PCDHGB1: variants seen among roughly 807,000 people sequenced by gnomAD.
The protein encoded by PCDHGB1 is protocadherin gamma subfamily B, 1, also known as protocadherin gamma-B1.
In PCDHGB1, 34 loss-of-function variants were observed where a neutral mutation model predicts 56.6. The observed-to-expected ratio is 0.60, with a 90% CI of 0.46 to 0.80. The LOEUF (loss-of-function observed/expected upper bound fraction) is 0.80. Ranked by LOEUF, PCDHGB1 falls within the 30% of genes least tolerant of loss-of-function variation. The pLI is 0.00. For synonymous variants in PCDHGB1, 561 were observed against 505.9 expected (o/e 1.11, Z -1.46); for missense variants, 1,278 against 1,204.6 (o/e 1.06, Z -0.90).
intron 1 of PCDHGB1, chr5:141,427,797 G>A (rs1194658203): frequency 6.0e-6 from 9 of 1,505,188 alleles, no homozygotes; most frequent in Admixed American, 3.4e-5. Context: ...CTACGTGTCC[G>A]TGAGCGCACA....
In PCDHGB1 at chr5:141,489,163, C is replaced by T. The variant is rs2099683398; in HGVS notation, c.2410-5644C>T. 1 of 1,060,592 alleles carries T rather than the reference C, an allele frequency of 9.4e-7. No individual in the cohort carries two copies. Among genetic ancestry groups the T allele is most frequent in the Admixed American group, 2.4e-5 (1 of 41,724 alleles). The allele number at this position is 1,060,592 out of a possible 1,614,324, so 65.7% of individuals were successfully genotyped here. On this transcript the variant is annotated intron_variant, in intron 1 of 3. Coordinates refer to ENST00000523390, the MANE Select transcript of PCDHGB1 (RefSeq NM_018922.3). This position sits in a 1 kb window ranked among gnomAD's most constrained non-coding sequence, Gnocchi z 4.5. ...TGGAAGGAGACATAAGAGACTTCAGCTGCTGCATTCCAAGCCCTGGGTCTA... is the reference window on the plus strand; with the variant it reads ...TGGAAGGAGACATAAGAGACTTCAGTTGCTGCATTCCAAGCCCTGGGTCTA...
At chr5:141,404,232 G>GTCCAC (rs2094500642) in intron 1 of PCDHGB1, 1 of 1,613,696 alleles carries the variant, frequency 6.2e-7, no homozygotes, top group African/African-American at 1.3e-5. Flanking sequence ...GCAACAGACA[G>GTCCAC]AGGAACTCCG....
chr5:141,353,683 A>G (rs1230591796), intron 1 of PCDHGB1, among the ~76,000 whole-genome samples: 1 of 152,236 alleles, frequency 6.6e-6, no homozygotes, highest in African/African-American at 2.4e-5. Flanking sequence ...TTGGGTTTAT[A>G]AAGCGTTTTC....
intron 2 of PCDHGB1, among the ~76,000 whole-genome samples, chr5:141,500,194 T>G (rs994324188): frequency 2.1e-4 from 31 of 147,918 alleles, no homozygotes; most frequent in African/African-American, 7.7e-4. Context: ...TTTTATTTAT[T>G]TATTTATTTA....
intron 1 of PCDHGB1, chr5:141,356,627 C>T (rs1399463036): frequency 6.2e-7 from 1 of 1,614,182 alleles, no homozygotes; most frequent in Non-Finnish European, 8.5e-7. Context: ...TCTATGACTG[C>T]TCAAGACCCT....
At chr5:141,389,918 C>T (rs1341057088) in intron 1 of PCDHGB1, 1 of 1,614,086 alleles carries the variant, frequency 6.2e-7, no homozygotes, top group Non-Finnish European at 8.5e-7. Context: ...ACCGCCCCGA[C>T]CCCTCTGACC....
At chr5:141,361,698 T>C (rs779293216) in intron 1 of PCDHGB1, 43 of 1,613,234 alleles carry the variant, frequency 2.7e-5, no homozygotes, top group Admixed American at 5.0e-5. Flanking sequence ...GCGCCTTCGA[T>C]CATGAGCAGC....
At chr5:141,428,313 C>T in intron 1 of PCDHGB1, 1 of 671,482 alleles carries the variant, frequency 1.5e-6, no homozygotes, top group Non-Finnish European at 2.6e-6. Context: ...TGGTCGTGGC[C>T]TTGGCCTTGA....
intron 1 of PCDHGB1, among the ~76,000 whole-genome samples, chr5:141,481,148 C>G (rs2099532606): frequency 6.6e-6 from 1 of 152,176 alleles, no homozygotes; most frequent in Non-Finnish European, 1.5e-5. Context: ...AAGTGTTATT[C>G]TGGTATTTGC....
chr5:141,377,469 A>C (rs6896353), intron 1 of PCDHGB1: 1 of 151,896 alleles, frequency 6.6e-6, no homozygotes, highest in Non-Finnish European at 1.5e-5. Context: ...TGTGGCGTAC[A>C]CCTGTAGTCC....
chr5:141,376,399 GC>G, intron 1 of PCDHGB1: 4 of 1,614,182 alleles, frequency 2.5e-6, no homozygotes, highest in Non-Finnish European at 3.4e-6. Context: ...TTTTCCCCCA[GC>G]CCAACTATGC....
At chr5:141,372,346 A>G (rs781226207) in intron 1 of PCDHGB1, 1 of 1,613,714 alleles carries the variant, frequency 6.2e-7, no homozygotes, top group African/African-American at 1.3e-5. Flanking sequence ...GATGGAGGAC[A>G]GCAGCCTCTT....
intron 1 of PCDHGB1, chr5:141,413,858 G>T: frequency 6.2e-7 from 1 of 1,613,258 alleles, no homozygotes; most frequent in Non-Finnish European, 8.5e-7. Context: ...CTCCGATCTG[G>T]CACTGTCCTT....
intron 1 of PCDHGB1, among the ~76,000 whole-genome samples, chr5:141,425,386 G>C (rs2096871887): frequency 6.6e-6 from 1 of 152,224 alleles, no homozygotes; most frequent in South Asian, 2.1e-4. Context: ...TTCGGAGGTA[G>C]TGATAAAGTT....
chr5:141,384,443 A>G, intron 1 of PCDHGB1: 1 of 1,614,030 alleles, frequency 6.2e-7, no homozygotes, highest in Non-Finnish European at 8.5e-7. Flanking sequence ...GGAGTCCTGT[A>G]CGCGCTGCAA....
Position 141,489,075 on chromosome 5 carries a change from C to A in PCDHGB1, c.2410-5732C>A. The A allele has an allele frequency of 3.1e-6, 1 of 324,814 alleles. No individual in the cohort carries two copies. The highest frequency in any genetic ancestry group is 5.5e-6 in the Non-Finnish European group (1 of 180,380). The allele number at this position is 324,814 out of a possible 1,614,324, so 20.1% of individuals were successfully genotyped here. A position where few individuals can be genotyped will look rare whatever the true frequency, so the allele number is the denominator to read the frequency against. ...TCAGCTCCCCTCCCCCCTGCCCACCCCCGCCACTCGGTGACTAAGAACTGC... is the reference window on the plus strand; with the variant it reads ...TCAGCTCCCCTCCCCCCTGCCCACCACCGCCACTCGGTGACTAAGAACTGC... On this transcript the variant is annotated intron_variant, in intron 1 of 3. Coordinates refer to ENST00000523390, the MANE Select transcript of PCDHGB1 (RefSeq NM_018922.3). The surrounding 1 kb of genome is among the most constrained non-coding windows in gnomAD (Gnocchi z 4.5).
Position 141,370,983 on chromosome 5 carries a change from A to G in PCDHGB1, c.2409+18314A>G, listed in dbSNP as rs200655179. Reference sequence around the variant, plus strand: ...CAGTAGGTACCCAGAGCTAGTACTGAAAGCACCCCTGGACAGGGAAGAGCA... The same window carrying G: ...CAGTAGGTACCCAGAGCTAGTACTGGAAGCACCCCTGGACAGGGAAGAGCA... On this transcript the variant is annotated intron_variant, in intron 1 of 3. Coordinates refer to ENST00000523390, the MANE Select transcript of PCDHGB1 (RefSeq NM_018922.3). 112 of 1,613,998 alleles carry G rather than the reference A, an allele frequency of 6.9e-5. No homozygotes were observed. In the African/African-American group the frequency reaches 1.3e-3, roughly 19 times the overall value.
In PCDHGB1 at chr5:141,376,126, C is replaced by T. The variant is rs770848918; in HGVS notation, c.2409+23457C>T. 8 of 1,613,916 alleles carry T rather than the reference C, an allele frequency of 5.0e-6. No individual in the cohort carries two copies. In the East Asian group the frequency reaches 1.3e-4, roughly 27 times the overall value. On this transcript the variant is annotated intron_variant, in intron 1 of 3. Transcript: ENST00000523390. ...CCGACCTGGGCAGCCTCGAGCCCTCCGCCAAACCCAACGATTCGGACCTCA... is the reference window on the plus strand; with the variant it reads ...CCGACCTGGGCAGCCTCGAGCCCTCTGCCAAACCCAACGATTCGGACCTCA...
intron 1 of PCDHGB1, chr5:141,357,532 A>G (rs1473543318): frequency 3.1e-6 from 5 of 1,614,096 alleles, no homozygotes; most frequent in Non-Finnish European, 4.2e-6. Context: ...CTATGCAGAC[A>G]CGCTCATCAG....
Sources: gnomAD v4.1 joint callset for allele counts (sites outside exome capture counted in the v4.1 genomes callset) on GRCh38, gnomAD v4.1.1 for gene constraint, Gnocchi (gnomAD v3.1) non-coding constraint, MANE v1.5 for transcripts, NCBI Gene and HGNC (gene_info 2026-07-23, HGNC 2026-07-21) for gene names.